Variants in RNF125 observed in about 807,000 individuals in gnomAD.
RNF125 encodes the protein E3 ubiquitin-protein ligase RNF125.
A neutral mutation model predicts 26.0 loss-of-function variants in RNF125; 21 were observed. That is an observed-to-expected ratio of 0.81 (90% CI 0.57 to 1.16). The LOEUF (loss-of-function observed/expected upper bound fraction) is 1.16. Ranked by LOEUF, RNF125 falls within the 50% of genes most tolerant of loss-of-function variation. RNF125 has a pLI of 0.00. For synonymous variants in RNF125, 95 were observed against 109.2 expected, an observed-to-expected ratio of 0.87 and a Z score of 0.81; for missense variants, 270 against 299.4, an observed-to-expected ratio of 0.90 and a Z score of 0.72.
At chr18:32,055,664 C>G (rs888747469) in intron 4 of RNF125, among the ~76,000 whole-genome samples, 3 of 152,076 alleles carry the variant, frequency 2.0e-5, no homozygotes, top group Non-Finnish European at 4.4e-5. Flanking sequence ...TCCCTTGACA[C>G]TTGGAGATTG....
At chr18:32,080,313 G>A in the RNF125 span, among the ~76,000 whole-genome samples, 1 of 152,338 alleles carries the variant, frequency 6.6e-6, no homozygotes, top group East Asian at 1.9e-4. Context: ...ACAAGTGTGA[G>A]CCACCACGTC....
chr18:32,020,104 T>TCACTGCAACCTCCGCC (rs112834172), intron 1 of RNF125, among the ~76,000 whole-genome samples: 10 of 151,578 alleles, frequency 6.6e-5, no homozygotes, highest in African/African-American at 2.4e-4. Flanking sequence ...CTATCTCGGC[T>TCACTGCAACCTCCGCC]CACTGCAACC....
chr18:32,023,446 C>T (rs751351173), intron 1 of RNF125, among the ~76,000 whole-genome samples: 8 of 152,164 alleles, frequency 5.3e-5, no homozygotes, highest in Admixed American at 3.3e-4. Flanking sequence ...AGCCACTGCA[C>T]CCAGCCAAGA....
At chr18:32,038,037 C>T (rs902397406) in intron 2 of RNF125, among the ~76,000 whole-genome samples, 7 of 144,746 alleles carry the variant, frequency 4.8e-5, no homozygotes, top group Admixed American at 1.4e-4. Flanking sequence ...TCTTTGGGTC[C>T]GTGCCATTTT....
At chr18:32,028,297 T>TAAAAAAAAAA (rs1156859954) in intron 1 of RNF125, among the ~76,000 whole-genome samples, 1 of 72,382 alleles carries the variant, frequency 1.4e-5, no homozygotes, top group Non-Finnish European at 2.6e-5. Context: ...GACTCCGTCT[T>TAAAAAAAAAA]AAAAAAAAAA....
chr18:32,079,104 T>C, the RNF125 span, among the ~76,000 whole-genome samples: 1 of 152,210 alleles, frequency 6.6e-6, no homozygotes, highest in Non-Finnish European at 1.5e-5. Context: ...AGGGCTTTAC[T>C]AGAAATTCAA....
intron 4 of RNF125, among the ~76,000 whole-genome samples, chr18:32,053,905 G>C (rs79575770): frequency 0.012 from 1,852 of 152,020 alleles, 39 homozygotes; most frequent in African/African-American, 0.036. Context: ...GAAAGACTAG[G>C]GGGGGAGACA....
intron 1 of RNF125, among the ~76,000 whole-genome samples, chr18:32,028,586 C>CT (rs71177830): frequency 3.1e-4 from 40 of 127,676 alleles, no homozygotes; most frequent in South Asian, 1.2e-3. Context: ...ATTTTGTTTC[C>CT]TTTTTTTTTT....
At chr18:32,032,600 A>G (rs1196584502) in intron 1 of RNF125, among the ~76,000 whole-genome samples, 1 of 152,108 alleles carries the variant, frequency 6.6e-6, no homozygotes, top group Non-Finnish European at 1.5e-5. Flanking sequence ...CAGTCACAGT[A>G]TTTCAAGCAG....
At chr18:32,040,275 T>C (rs1428612216) in intron 2 of RNF125, among the ~76,000 whole-genome samples, 2 of 144,292 alleles carry the variant, frequency 1.4e-5, no homozygotes, top group East Asian at 2.0e-4. Flanking sequence ...CTTTCTTTTT[T>C]TTTTTTTTTT....
chr18:32,075,777 C>A, downstream of RNF125: 1 of 561,648 alleles, frequency 1.8e-6, no homozygotes, highest in Admixed American at 2.9e-5. Flanking sequence ...TGCCATGCCA[C>A]CTTTTCACTG....
intron 2 of RNF125, among the ~76,000 whole-genome samples, chr18:32,040,648 C>T (rs2039208034): frequency 6.6e-6 from 1 of 152,136 alleles, no homozygotes; most frequent in Admixed American, 6.6e-5. Flanking sequence ...TTAGAACAGG[C>T]ACAATGAACT....
intron 1 of RNF125, among the ~76,000 whole-genome samples, chr18:32,022,225 T>A (rs1255643613): frequency 6.6e-6 from 1 of 152,220 alleles, no homozygotes; most frequent in Non-Finnish European, 1.5e-5. Context: ...GTAAACCTAT[T>A]TCAAGTCAAA....
At chr18:32,022,135 A>C (rs1022000539) in intron 1 of RNF125, among the ~76,000 whole-genome samples, 6 of 152,214 alleles carry the variant, frequency 3.9e-5, no homozygotes, top group Admixed American at 2.0e-4. Context: ...ATGCAAATGA[A>C]CCTTCTGTAT....
At chr18:32,035,262 G>A (rs1163732558) in intron 1 of RNF125, among the ~76,000 whole-genome samples, 1 of 152,192 alleles carries the variant, frequency 6.6e-6, no homozygotes, top group Non-Finnish European at 1.5e-5. Flanking sequence ...CTCAATCACT[G>A]CACAAGTGAG....
intron 2 of RNF125, among the ~76,000 whole-genome samples, chr18:32,038,870 A>G (rs1266553849): frequency 6.6e-6 from 1 of 151,488 alleles, no homozygotes; most frequent in East Asian, 2.0e-4. Context: ...GGTTTAAGCG[A>G]TTTTCATGCC....
Position 32,072,036 on chromosome 18 carries a change from C to CAA in RNF125, c.*3654_*3655dup, listed in dbSNP as rs571164208. On this transcript the variant is annotated 3_prime_UTR_variant, in exon 6 of 6. Transcript: ENST00000217740. ...CTTTCTATTTAAACAAAAACAAAAA[C>CAA]AAACAAACAAACAAACAAAAAGCTG... 6.6e-6 allele frequency: 1 copy of CAA among 151,280 alleles called. No individual in the cohort carries two copies. Among genetic ancestry groups the CAA allele is most frequent in the Non-Finnish European group, 1.5e-5 (1 of 67,814 alleles). 9.4% of individuals were successfully genotyped at this position (151,280 alleles called of 1,614,324 possible).
At chr18:32,076,246 A>G, downstream of RNF125, 1 of 430,372 alleles carries the variant, frequency 2.3e-6, no homozygotes, top group Non-Finnish European at 4.4e-6. Flanking sequence ...TCTTGAGAGC[A>G]TCAGCCAGGA....
Position 32,036,181 on chromosome 18 carries a change from CAA to C in RNF125, c.165-934_165-933del, listed in dbSNP as rs1186271292. 1.1e-4 allele frequency among the ~76,000 whole-genome samples: 16 copies of C among 148,738 alleles called. No homozygotes were observed. In the East Asian group the frequency reaches 1.6e-3, roughly 15 times the overall value. On this transcript the variant is annotated intron_variant, in intron 1 of 5. Coordinates refer to ENST00000217740, the MANE Select transcript of RNF125 (RefSeq NM_017831.4). ...AAAAAAAAAAAAAAAGAGAAGGAAA[CAA>C]GAGGGGAAATTTTAGGGGCTGGCCA...
Sources: allele counts gnomAD v4.1 joint callset (sites outside exome capture counted in the v4.1 genomes callset), GRCh38; gene constraint gnomAD v4.1.1; transcripts MANE v1.5; gene names NCBI Gene and HGNC (gene_info 2026-07-23, HGNC 2026-07-21).